Variants in B4GALT6 observed in about 807,000 individuals in gnomAD.
The protein encoded by B4GALT6 is beta-1,4-galactosyltransferase 6.
In B4GALT6, 14 loss-of-function variants were observed where a neutral mutation model predicts 46.3. The observed-to-expected ratio is 0.30, with a 90% CI of 0.20 to 0.47. The LOEUF is 0.47. Among genes scored for constraint, B4GALT6 ranks in the 20% least tolerant of loss-of-function variants. The pLI, the probability that B4GALT6 is intolerant of heterozygous loss-of-function variation, is 0.99. For synonymous variants in B4GALT6, 168 were observed against 162.0 expected (o/e 1.04, Z -0.28); for missense variants, 386 against 480.1 (o/e 0.80, Z 1.83).
At chr18:31,633,950 T>G (rs2073825098) in intron 5 of B4GALT6, among the ~76,000 whole-genome samples, 1 of 152,220 alleles carries the variant, frequency 6.6e-6, no homozygotes, top group Non-Finnish European at 1.5e-5. Flanking sequence ...CACATCCCTT[T>G]TGTTGAATAA....
intron 1 of B4GALT6, among the ~76,000 whole-genome samples, chr18:31,679,629 A>G (rs917312447): frequency 1.8e-4 from 27 of 152,182 alleles, no homozygotes; most frequent in African/African-American, 6.5e-4. Context: ...GTGTTGGAGG[A>G]TAAATAAATA....
upstream of B4GALT6, among the ~76,000 whole-genome samples, chr18:31,688,030 G>A (rs1328966793): frequency 6.6e-6 from 1 of 151,892 alleles, no homozygotes; most frequent in Admixed American, 6.6e-5. Context: ...TTTTATGGTA[G>A]CTAAAGATTC....
chr18:31,654,989 A>G (rs897010269), intron 3 of B4GALT6, among the ~76,000 whole-genome samples: 1 of 152,194 alleles, frequency 6.6e-6, no homozygotes, highest in Admixed American at 6.5e-5. Flanking sequence ...GTCTGGCTCT[A>G]TTATTCAAAG....
At chr18:31,677,815 C>A (rs1248278472) in intron 1 of B4GALT6, among the ~76,000 whole-genome samples, 1 of 152,158 alleles carries the variant, frequency 6.6e-6, no homozygotes, top group African/African-American at 2.4e-5. Flanking sequence ...AAACCGCAGG[C>A]TCAGGCAGTG....
At chr18:31,691,442 CA>C in the B4GALT6 span, among the ~76,000 whole-genome samples, 1 of 150,808 alleles carries the variant, frequency 6.6e-6, no homozygotes, top group African/African-American at 2.5e-5. Context: ...GAATGACTCA[CA>C]AAAGCAAAAG....
intron 3 of B4GALT6, among the ~76,000 whole-genome samples, chr18:31,647,325 T>C (rs1363918497): frequency 6.6e-6 from 1 of 152,168 alleles, no homozygotes; most frequent in Non-Finnish European, 1.5e-5. Flanking sequence ...TCCAGCATCA[T>C]TTGCAGTTTA....
In B4GALT6 at chr18:31,684,573, G is replaced by C; in HGVS notation, c.-147C>G. The C allele has an allele frequency of 1.4e-6, 2 of 1,387,562 alleles. No individual in the cohort carries two copies. The highest frequency in any genetic ancestry group is 1.9e-6 in the Non-Finnish European group (2 of 1,063,146). 86.0% of individuals were successfully genotyped at this position (1,387,562 alleles called of 1,614,324 possible). Reference sequence around the variant, plus strand: ...GAGGCTCTGGGGAGAGGGCCCGAGCGGAAAAGAGGAAATGGGAGGGAGCGG... The same window carrying C: ...GAGGCTCTGGGGAGAGGGCCCGAGCCGAAAAGAGGAAATGGGAGGGAGCGG... On this transcript the variant is annotated 5_prime_UTR_variant, in exon 1 of 9. Coordinates refer to ENST00000306851, the MANE Select transcript of B4GALT6 (RefSeq NM_004775.5).
intron 3 of B4GALT6, among the ~76,000 whole-genome samples, chr18:31,655,051 C>T (rs534307745): frequency 1.3e-5 from 2 of 152,180 alleles, no homozygotes; most frequent in African/African-American, 2.4e-5. Flanking sequence ...AAACTTTAAG[C>T]ACTGTGTGCT....
At chr18:31,668,873 T>C (rs958808886) in intron 1 of B4GALT6, among the ~76,000 whole-genome samples, 3 of 150,080 alleles carry the variant, frequency 2.0e-5, no homozygotes, top group Non-Finnish European at 4.4e-5. Context: ...TAGCCAGGCG[T>C]GGTGGCGCAC....
rs367979561 is a variant in B4GALT6, at chr18:31,635,907, T to C, written c.588+2737A>G. 9.2e-5 allele frequency among the ~76,000 whole-genome samples: 14 copies of C among 152,340 alleles called. No individual in the cohort carries two copies. In the East Asian group the frequency reaches 1.5e-3, roughly 17 times the overall value. On this transcript the variant is annotated intron_variant, in intron 5 of 8. Coordinates refer to ENST00000306851, the MANE Select transcript of B4GALT6 (RefSeq NM_004775.5). ...GCCAGGTAACTTTGTCTATCATTTA[T>C]ACTGTTACTTACCTATTCAAAACTA...
the B4GALT6 span, among the ~76,000 whole-genome samples, chr18:31,702,610 G>A: frequency 6.6e-6 from 1 of 152,146 alleles, no homozygotes; most frequent in African/African-American, 2.4e-5. Flanking sequence ...TAAGTTCTGG[G>A]TGGGGTGCGG....
At chr18:31,645,261 T>G (rs2073977934) in intron 4 of B4GALT6, 94 bp downstream of exon 4, 1 of 1,516,408 alleles carries the variant, frequency 6.6e-7, no homozygotes, top group Non-Finnish European at 9.0e-7. Context: ...TTATCAAGAC[T>G]TAAAGACATT....
At chr18:31,679,444 A>C (rs1399865906) in intron 1 of B4GALT6, among the ~76,000 whole-genome samples, 3 of 152,166 alleles carry the variant, frequency 2.0e-5, no homozygotes, top group Admixed American at 6.5e-5. Flanking sequence ...GAATGGACCC[A>C]ATGACTCTTG....
At chr18:31,631,229 T>C in intron 5 of B4GALT6, 83 bp from the exon 6 acceptor site, 1 of 1,341,906 alleles carries the variant, frequency 7.5e-7, no homozygotes, top group Non-Finnish European at 9.9e-7. Flanking sequence ...TTTTTTGGTA[T>C]TTTTAGTAGA....
In B4GALT6 at chr18:31,648,697, A is replaced by G. The variant is rs568126531; in HGVS notation, c.347-3218T>C. 8.5e-5 allele frequency among the ~76,000 whole-genome samples: 13 copies of G among 152,380 alleles called. No homozygotes were observed. In the East Asian group the frequency reaches 2.3e-3, roughly 27 times the overall value. On this transcript the variant is annotated intron_variant, in intron 3 of 8. Transcript: ENST00000306851. ...GCTATGGATGATAATGTATCACATG[A>G]CATGATTTAGGATTTTACTTTTTCT...
At chr18:31,628,071 C>T (rs2073724684) in intron 6 of B4GALT6, among the ~76,000 whole-genome samples, 1 of 152,208 alleles carries the variant, frequency 6.6e-6, no homozygotes, top group Non-Finnish European at 1.5e-5. Flanking sequence ...TGTTTGCCAG[C>T]TGGGGTCTTG....
At chr18:31,672,905 C>G (rs1598925191) in intron 1 of B4GALT6, among the ~76,000 whole-genome samples, 1 of 152,264 alleles carries the variant, frequency 6.6e-6, no homozygotes, top group Middle Eastern at 3.4e-3. Flanking sequence ...GCCTTTAAGA[C>G]AGCAGCTTCA....
chr18:31,648,887 A>G (rs2074025300), intron 3 of B4GALT6, among the ~76,000 whole-genome samples: 3 of 152,160 alleles, frequency 2.0e-5, no homozygotes, highest in South Asian at 2.1e-4. Flanking sequence ...CTTGGAGCCT[A>G]TATCTATTTT....
At position 31,623,518 on chromosome 18, in the gene B4GALT6, A is replaced by C. The variant is rs2073645141; in HGVS notation, c.*2096T>G. The C allele has an allele frequency of 6.6e-6, 1 of 152,458 alleles. No individual in the cohort carries two copies. Among genetic ancestry groups the C allele is most frequent in the African/African-American group, 2.4e-5 (1 of 41,444 alleles). The allele number at this position is 152,458 out of a possible 1,614,324, so 9.4% of individuals were successfully genotyped here. ...AAAAATGAAAAGATACCGAATGTGG[A>C]CAGCTCCACATTGATCAACAAATGT... On this transcript the variant is annotated 3_prime_UTR_variant, in exon 9 of 9. Coordinates refer to ENST00000306851, the MANE Select transcript of B4GALT6 (RefSeq NM_004775.5).
Sources: allele counts gnomAD v4.1 joint callset (sites outside exome capture counted in the v4.1 genomes callset), GRCh38; gene constraint gnomAD v4.1.1; transcripts MANE v1.5; gene names NCBI Gene and HGNC (gene_info 2026-07-23, HGNC 2026-07-21).